The following CNTNAP5 variants were observed in gnomAD, a reference collection of about 807,000 sequenced individuals.
The protein encoded by CNTNAP5 is contactin associated protein family member 5.
In CNTNAP5, 72 loss-of-function variants were observed where a neutral mutation model predicts 150.2. The observed-to-expected ratio is 0.48, with a 90% CI of 0.40 to 0.58. CNTNAP5 has a LOEUF of 0.58. CNTNAP5 is among the 20% of genes least tolerant of loss of function. The pLI, the probability that CNTNAP5 is intolerant of heterozygous loss-of-function variation, is 0.00. For missense variants in CNTNAP5, 1,636 were observed against 1,626.2 expected (o/e 1.01, Z -0.10); for synonymous variants, 672 against 619.8 (o/e 1.08, Z -1.25).
At chr2:124,238,306 G>A (rs930872020) in intron 2 of CNTNAP5, among the ~76,000 whole-genome samples, 8 of 152,014 alleles carry the variant, frequency 5.3e-5, no homozygotes, top group African/African-American at 1.9e-4. Context: ...TTTGCATGAT[G>A]GAGATCATTT....
chr2:124,834,823 G>T (rs1317114997), intron 19 of CNTNAP5, among the ~76,000 whole-genome samples: 1 of 150,974 alleles, frequency 6.6e-6, no homozygotes, highest in Admixed American at 6.6e-5. Flanking sequence ...ATCAAAGGAA[G>T]TTTAAAAACA....
intron 1 of CNTNAP5, among the ~76,000 whole-genome samples, chr2:124,027,787 G>T (rs180806876): frequency 2.0e-5 from 3 of 152,048 alleles, no homozygotes; most frequent in African/African-American, 7.2e-5. Flanking sequence ...TGAAGTCAGC[G>T]TTCTTAAGGA....
chr2:124,544,235 G>A (rs955784841), intron 10 of CNTNAP5, among the ~76,000 whole-genome samples: 3 of 152,064 alleles, frequency 2.0e-5, no homozygotes, highest in African/African-American at 2.4e-5. Flanking sequence ...TTGGACTAAG[G>A]CTAATGTTTC....
At chr2:124,240,755 G>A (rs1210358444) in intron 2 of CNTNAP5, among the ~76,000 whole-genome samples, 1 of 152,114 alleles carries the variant, frequency 6.6e-6, no homozygotes, top group Non-Finnish European at 1.5e-5. Flanking sequence ...TGCAAGATGT[G>A]CCTTTAAGTC....
At chr2:124,114,888 G>A (rs1384991736) in intron 1 of CNTNAP5, among the ~76,000 whole-genome samples, 3 of 151,278 alleles carry the variant, frequency 2.0e-5, no homozygotes, top group African/African-American at 2.4e-5. Context: ...CTGCATCTAA[G>A]ATTTTATTTT....
intron 1 of CNTNAP5, among the ~76,000 whole-genome samples, chr2:124,085,379 C>T (rs902892514): frequency 1.8e-4 from 27 of 151,978 alleles, no homozygotes; most frequent in African/African-American, 5.3e-4. Context: ...TTTTGATGCC[C>T]GTAGTGACAT....
chr2:124,449,905 G>A (rs907283934), intron 6 of CNTNAP5, among the ~76,000 whole-genome samples: 2 of 152,096 alleles, frequency 1.3e-5, no homozygotes, highest in Non-Finnish European at 2.9e-5. Context: ...AAAGAACACT[G>A]GTGCAGAAAC....
At chr2:124,600,847 T>C (rs1558699468) in intron 11 of CNTNAP5, among the ~76,000 whole-genome samples, 1 of 151,412 alleles carries the variant, frequency 6.6e-6, no homozygotes, top group Admixed American at 6.6e-5. Context: ...AGTAGACGAA[T>C]AGGAACAGGT....
chr2:124,510,273 C>CTATATCTATATATCTATATCTA (rs1553474633), intron 8 of CNTNAP5, among the ~76,000 whole-genome samples: 3 of 33,918 alleles, frequency 8.8e-5, no homozygotes, highest in Non-Finnish European at 1.9e-4. Flanking sequence ...ATCTATATAT[C>CTATATCTATATATCTATATCTA]TATATCTATA....
intron 1 of CNTNAP5, among the ~76,000 whole-genome samples, chr2:124,221,236 A>C (rs1210900597): frequency 3.3e-5 from 5 of 152,136 alleles, no homozygotes; most frequent in Admixed American, 2.0e-4. Context: ...AAGTTATCCT[A>C]CTCCTCTAGA....
At chr2:124,415,800 C>G (rs1691903699) in intron 3 of CNTNAP5, among the ~76,000 whole-genome samples, 1 of 151,986 alleles carries the variant, frequency 6.6e-6, no homozygotes, top group Non-Finnish European at 1.5e-5. Flanking sequence ...GCTTAATGCC[C>G]TGAATTATTT....
intron 1 of CNTNAP5, among the ~76,000 whole-genome samples, chr2:124,099,610 G>C (rs1458207673): frequency 2.6e-5 from 4 of 152,120 alleles, no homozygotes; most frequent in Non-Finnish European, 5.9e-5. Flanking sequence ...TTGCCATAAA[G>C]AAATATCTGA....
chr2:124,829,235 C>A (rs974980727), intron 19 of CNTNAP5, among the ~76,000 whole-genome samples: 3 of 152,026 alleles, frequency 2.0e-5, no homozygotes, highest in African/African-American at 7.2e-5. Context: ...CTGAAAAGGG[C>A]CAAAAGGGCT....
chr2:124,441,934 G>A (rs942658663), intron 5 of CNTNAP5, among the ~76,000 whole-genome samples: 10 of 151,786 alleles, frequency 6.6e-5, no homozygotes, highest in Non-Finnish European at 8.8e-5. Context: ...TTTGAGGAAA[G>A]GTCAACAAAT....
At chr2:124,560,594 C>T (rs1236981323) in intron 10 of CNTNAP5, among the ~76,000 whole-genome samples, 1 of 149,770 alleles carries the variant, frequency 6.7e-6, no homozygotes, top group African/African-American at 2.4e-5. Flanking sequence ...TTCTTTCTTA[C>T]CCAAAGTTAA....
intron 21 of CNTNAP5, among the ~76,000 whole-genome samples, chr2:124,872,708 G>A (rs1321242874): frequency 1.3e-5 from 2 of 151,546 alleles, no homozygotes; most frequent in African/African-American, 4.8e-5. Flanking sequence ...TTAGAAAGAG[G>A]GAAAATGTGG....
chr2:124,397,763 GAGGTGACTTTCA>G (rs1691293076), intron 3 of CNTNAP5, among the ~76,000 whole-genome samples: 1 of 152,172 alleles, frequency 6.6e-6, no homozygotes, highest in Non-Finnish European at 1.5e-5. Flanking sequence ...ATAATGGTTG[GAGGTGACTTTCA>G]AGGGAACATT....
rs201475018 is a variant in CNTNAP5 at position 124,103,136 on chromosome 2, T to TA, written c.82+77412dup. Among the ~76,000 whole-genome samples, 793 of 152,016 alleles carry TA rather than the reference T, an allele frequency of 5.2e-3. 6 individuals are homozygous for TA. The highest frequency in any genetic ancestry group is 0.018 in the African/African-American group (737 of 41,454). On this transcript the variant is annotated intron_variant, in intron 1 of 23. Transcript: ENST00000682447. ...TTTGTAACAAGAATGTTTCAAAAGT[T>TA]AAAAAAAATTAACAGTTAGTTAAAA...
intron 3 of CNTNAP5, among the ~76,000 whole-genome samples, chr2:124,378,848 G>A (rs1193103453): frequency 3.3e-5 from 5 of 152,052 alleles, no homozygotes; most frequent in Non-Finnish European, 7.4e-5. Context: ...TTTACATCTT[G>A]AGAAAGGGAA....
Sources: allele counts gnomAD v4.1 joint callset (sites outside exome capture counted in the v4.1 genomes callset), GRCh38; gene constraint gnomAD v4.1.1; transcripts MANE v1.5; gene names NCBI Gene and HGNC (gene_info 2026-07-23, HGNC 2026-07-21).